The following COX7B2 variants were observed in gnomAD, a reference collection of about 807,000 sequenced individuals.
The protein encoded by COX7B2 is cytochrome c oxidase subunit 7B2, also known as cytochrome c oxidase subunit 7B2, mitochondrial.
For synonymous variants in COX7B2, 37 were observed against 32.1 expected (o/e 1.15, Z -0.51); for missense variants, 109 against 95.9 (o/e 1.14, Z -0.57).
chr4:46,747,063 G>A (rs977281091), intron 2 of COX7B2, among the ~76,000 whole-genome samples: 3 of 152,080 alleles, frequency 2.0e-5, no homozygotes, highest in Admixed American at 2.0e-4. Flanking sequence ...ACCAGGAAAA[G>A]CCTTCTGGAG....
At chr4:46,748,165 C>T (rs1715135931) in intron 2 of COX7B2, among the ~76,000 whole-genome samples, 1 of 152,154 alleles carries the variant, frequency 6.6e-6, no homozygotes, top group African/African-American at 2.4e-5. Flanking sequence ...TAAGCACATG[C>T]TTCATCCAGG....
chr4:46,833,567 A>AT (rs1408272480), intron 2 of COX7B2, among the ~76,000 whole-genome samples: 5 of 152,206 alleles, frequency 3.3e-5, no homozygotes, highest in African/African-American at 1.2e-4. Flanking sequence ...GAGAAACTCA[A>AT]TGAAAAATCT....
At chr4:46,763,154 T>C (rs1185314732) in intron 2 of COX7B2, among the ~76,000 whole-genome samples, 2 of 134,986 alleles carry the variant, frequency 1.5e-5, no homozygotes, top group African/African-American at 5.5e-5. Context: ...TATATTATAA[T>C]ATATATTTAC....
chr4:46,803,272 C>T (rs563407821), intron 2 of COX7B2, among the ~76,000 whole-genome samples: 9 of 152,080 alleles, frequency 5.9e-5, no homozygotes, highest in Non-Finnish European at 1.2e-4. Context: ...TTCTTTATTC[C>T]TTATCCTCCC....
At chr4:46,900,007 AT>A (rs1183554234) in intron 1 of COX7B2, among the ~76,000 whole-genome samples, 1 of 152,132 alleles carries the variant, frequency 6.6e-6, no homozygotes, top group African/African-American at 2.4e-5. Context: ...AAAATCTTTA[AT>A]TTCATTTCTC....
intron 2 of COX7B2, among the ~76,000 whole-genome samples, chr4:46,758,764 T>A (rs1420004685): frequency 6.6e-6 from 1 of 152,068 alleles, no homozygotes; most frequent in African/African-American, 2.4e-5. Context: ...CCCAAAAATG[T>A]GAATGTGAAT....
At chr4:46,823,923 C>A (rs1714490189) in intron 2 of COX7B2, among the ~76,000 whole-genome samples, 1 of 151,556 alleles carries the variant, frequency 6.6e-6, no homozygotes, top group African/African-American at 2.4e-5. Context: ...AAGAAGACAT[C>A]ATTCTGGATA....
intron 2 of COX7B2, among the ~76,000 whole-genome samples, chr4:46,811,501 C>T (rs73142938): frequency 0.04 from 6,152 of 152,164 alleles, 328 homozygotes; most frequent in African/African-American, 0.13. Context: ...TTCTTTAATA[C>T]AGCTCCTATT....
chr4:46,805,495 G>A (rs970439111), intron 2 of COX7B2, among the ~76,000 whole-genome samples: 2 of 152,148 alleles, frequency 1.3e-5, no homozygotes, highest in African/African-American at 2.4e-5. Flanking sequence ...AATCCTGCAA[G>A]GTAAATACAT....
intron 2 of COX7B2, among the ~76,000 whole-genome samples, chr4:46,831,773 A>T (rs917679393): frequency 4.0e-5 from 6 of 151,854 alleles, no homozygotes; most frequent in African/African-American, 1.5e-4. Context: ...ACCAATCAGC[A>T]CTCTGTGTCT....
chr4:46,751,938 T>C (rs1715408390), intron 2 of COX7B2, among the ~76,000 whole-genome samples: 2 of 152,132 alleles, frequency 1.3e-5, no homozygotes, highest in African/African-American at 4.8e-5. Flanking sequence ...AAAGTAGTTT[T>C]TTCCAACTCT....
intron 2 of COX7B2, among the ~76,000 whole-genome samples, chr4:46,775,687 G>A (rs534504140): frequency 6.6e-6 from 1 of 152,178 alleles, no homozygotes; most frequent in African/African-American, 2.4e-5. Flanking sequence ...TACGTATGAT[G>A]TCTACAAGAA....
chr4:46,764,494 GA>G (rs1716409178), intron 2 of COX7B2, among the ~76,000 whole-genome samples: 1 of 152,004 alleles, frequency 6.6e-6, no homozygotes, highest in Admixed American at 6.6e-5. Flanking sequence ...AGTGAGCCGA[GA>G]TCAGGCCACT....
At chr4:46,789,152 A>G (rs1039803739) in intron 2 of COX7B2, among the ~76,000 whole-genome samples, 5 of 152,174 alleles carry the variant, frequency 3.3e-5, no homozygotes, top group African/African-American at 1.2e-4. Flanking sequence ...AATCCAATCA[A>G]CATTCAAAGA....
chr4:46,748,363 T>C (rs1373051619), intron 2 of COX7B2, among the ~76,000 whole-genome samples: 2 of 152,054 alleles, frequency 1.3e-5, no homozygotes, highest in East Asian at 1.9e-4. Flanking sequence ...CTGAAGAAAA[T>C]AGTCTCAAAA....
chr4:46,743,196 T>C (rs115777217), intron 2 of COX7B2, among the ~76,000 whole-genome samples: 1,683 of 152,306 alleles, frequency 0.011, 19 homozygotes, highest in Middle Eastern at 0.037. Context: ...TCAAAGTGGA[T>C]GTCTATGTTA....
intron 1 of COX7B2, among the ~76,000 whole-genome samples, chr4:46,905,033 G>A (rs1720291800): frequency 6.6e-6 from 1 of 152,104 alleles, no homozygotes; most frequent in Non-Finnish European, 1.5e-5. Flanking sequence ...ACCTTTTCGA[G>A]CCTATTTTTA....
At chr4:46,773,263 C>T (rs1186417012) in intron 2 of COX7B2, among the ~76,000 whole-genome samples, 1 of 152,068 alleles carries the variant, frequency 6.6e-6, no homozygotes, top group Non-Finnish European at 1.5e-5. Flanking sequence ...TGGGAAGGAC[C>T]TGATGGGAGG....
intron 2 of COX7B2, among the ~76,000 whole-genome samples, chr4:46,799,111 T>C (rs1317103204): frequency 6.6e-6 from 1 of 152,138 alleles, no homozygotes; most frequent in Non-Finnish European, 1.5e-5. Context: ...TTTCTCTTTC[T>C]TGTGTGTGGC....
Sources: allele counts gnomAD v4.1 joint callset (sites outside exome capture counted in the v4.1 genomes callset), GRCh38; gene constraint gnomAD v4.1.1; transcripts MANE v1.5; gene names NCBI Gene and HGNC (gene_info 2026-07-23, HGNC 2026-07-21).